Variants in ANKRD6 observed in about 807,000 individuals in gnomAD.
ANKRD6 encodes the protein ankyrin repeat domain 6, also known as ankyrin repeat domain-containing protein 6.
Under a neutral mutation model 82.3 loss-of-function variants are expected in ANKRD6, and 56 were observed. The ratio of observed to expected loss-of-function variants is 0.68; its 90% CI spans 0.55 to 0.85. ANKRD6 has a LOEUF of 0.85. ANKRD6 is among the 40% of genes least tolerant of loss of function. ANKRD6 has a pLI of 0.00. For missense variants in ANKRD6, 852 were observed against 907.6 expected (o/e 0.94, Z 0.79); for synonymous variants, 347 against 352.1 (o/e 0.99, Z 0.16).
At chr6:89,480,159 T>C (rs751838493) in intron 1 of ANKRD6, among the ~76,000 whole-genome samples, 1 of 152,232 alleles carries the variant, frequency 6.6e-6, no homozygotes, top group African/African-American at 2.4e-5. Context: ...CCTCTGTTCA[T>C]ACTCTCCTAG....
chr6:89,585,853 C>T (rs1793572733), intron 2 of ANKRD6, among the ~76,000 whole-genome samples: 1 of 152,088 alleles, frequency 6.6e-6, no homozygotes, highest in Non-Finnish European at 1.5e-5. Flanking sequence ...TGCAGTGAGC[C>T]GAGATTGTGC....
At chr6:89,589,589 G>A (rs528083810) in intron 2 of ANKRD6, among the ~76,000 whole-genome samples, 5 of 152,330 alleles carry the variant, frequency 3.3e-5, no homozygotes, top group Non-Finnish European at 5.9e-5. Flanking sequence ...TCCCAACTGG[G>A]AATTGGCCTC....
intron 1 of ANKRD6, among the ~76,000 whole-genome samples, chr6:89,445,959 A>G (rs1296204173): frequency 1.3e-5 from 2 of 152,210 alleles, no homozygotes; most frequent in Non-Finnish European, 2.9e-5. Flanking sequence ...AACTTAATTA[A>G]TAAGTGTTGT....
At chr6:89,572,513 CACAA>C (rs1344155338) in intron 2 of ANKRD6, among the ~76,000 whole-genome samples, 7 of 152,194 alleles carry the variant, frequency 4.6e-5, no homozygotes, top group Non-Finnish European at 5.9e-5. Context: ...TTCTTTGATG[CACAA>C]ACATTTTCAA....
intron 1 of ANKRD6, among the ~76,000 whole-genome samples, chr6:89,506,445 G>T (rs977723810): frequency 6.6e-6 from 1 of 152,148 alleles, no homozygotes; most frequent in Non-Finnish European, 1.5e-5. Context: ...CTCTCGAGTA[G>T]CTGGGATTAC....
intron 1 of ANKRD6, among the ~76,000 whole-genome samples, chr6:89,519,168 C>T (rs1781592986): frequency 6.6e-6 from 1 of 152,120 alleles, no homozygotes; most frequent in Admixed American, 6.5e-5. Context: ...GAGGGAGACA[C>T]AATTCAGTCT....
At chr6:89,589,414 A>G (rs1394717616) in intron 2 of ANKRD6, among the ~76,000 whole-genome samples, 3 of 152,220 alleles carry the variant, frequency 2.0e-5, no homozygotes, top group African/African-American at 7.2e-5. Context: ...TGGAGAATCC[A>G]GGAAGGAGGC....
At chr6:89,468,022 T>TA (rs1240516075) in intron 1 of ANKRD6, among the ~76,000 whole-genome samples, 1 of 150,544 alleles carries the variant, frequency 6.6e-6, no homozygotes, top group Non-Finnish European at 1.5e-5. Flanking sequence ...TTTTACCACC[T>TA]AAAGTTGCCC....
chr6:89,567,048 G>C lies in ANKRD6; in HGVS notation c.72G>C (p.Glu24Asp). 6.2e-7 allele frequency: 1 copy of C among 1,607,430 alleles called. No homozygotes were observed. The highest frequency in any genetic ancestry group is 8.5e-7 in the Non-Finnish European group (1 of 1,176,838). Residue 24 changes from glutamate to aspartate, a missense_variant, in exon 2 of 16, where the codon GAG (glutamate) becomes GAC (aspartate). By Grantham distance (45) the Glu-to-Asp change is conservative. Transcript: ENST00000339746. Reference protein sequence around the residue: ...LLVAAYKGQTENVVQLINKGA... With the variant: ...LLVAAYKGQTDNVVQLINKGA... ...TAGCTGCGTACAAAGGCCAAACAGA[G>C]AATGTGGTTCAGCTCATCAACAAGG...
chr6:89,462,513 A>AAG (rs77158962), intron 1 of ANKRD6, among the ~76,000 whole-genome samples: 1 of 152,092 alleles, frequency 6.6e-6, no homozygotes, highest in Non-Finnish European at 1.5e-5. Flanking sequence ...GTAAATACTG[A>AAG]AGAATACAGT....
rs760167253 is a variant in ANKRD6 at position 89,567,083 on chromosome 6, T to C, written c.107T>C (p.Val36Ala). The part of the protein sequence containing the change: ...VVQLINKGAR[V>A]AVTKHGRTPL... ...CAGCTCATCAACAAGGGCGCCAGGG[T>C]AGCGGTTACCAAGGTAACAAGAGAA... Residue 36 changes from valine to alanine, a missense_variant, in exon 2 of 16, where the codon GTA (valine) becomes GCA (alanine). Coordinates refer to ENST00000339746, the MANE Select transcript of ANKRD6 (RefSeq NM_001242809.2). 6.3e-7 allele frequency: 1 copy of C among 1,599,572 alleles called. No individual in the cohort carries two copies. The highest frequency in any genetic ancestry group is 8.5e-7 in the Non-Finnish European group (1 of 1,172,686).
chr6:89,570,293 T>C lies in ANKRD6; in HGVS notation c.120+3197T>C, dbSNP rs367963291. Among the ~76,000 whole-genome samples, 15 of 152,268 alleles carry C rather than the reference T, an allele frequency of 9.9e-5. No individual in the cohort carries two copies. The East Asian group carries it at 2.3e-3, about 24-fold the overall frequency. The stretch of plus-strand genomic sequence containing the variant: ...CCAGGCTGGTCTCGAACTCCTGGTC[T>C]CAAGTGATCTTCCCTCCTCAGCCTC... On this transcript the variant is annotated intron_variant, in intron 2 of 15. Coordinates refer to ENST00000339746, the MANE Select transcript of ANKRD6 (RefSeq NM_001242809.2).
intron 1 of ANKRD6, among the ~76,000 whole-genome samples, chr6:89,441,598 A>C (rs368044744): frequency 7.1e-6 from 1 of 141,690 alleles, no homozygotes; most frequent in African/African-American, 2.6e-5. Context: ...GAGTGACCAT[A>C]GCCTTGGTTT....
In ANKRD6 at chr6:89,627,662, C is replaced by G. The variant is rs556919377; in HGVS notation, c.1451C>G (p.Ser484Ter). Residue 484 changes from serine to a stop codon, truncating the protein, a stop_gained, in exon 14 of 16, where the codon TCA (serine) becomes TGA (stop). Coordinates refer to ENST00000339746, the MANE Select transcript of ANKRD6 (RefSeq NM_001242809.2). LOFTEE classifies it high-confidence loss of function. ...TECLNRLQQH[S>*]DTEKHEGEKR... ...TGCCTGAACCGCCTGCAACAGCACTCAGACACAGAGAAGCATGAGGGGGAG... is the reference window on the plus strand; with the variant it reads ...TGCCTGAACCGCCTGCAACAGCACTGAGACACAGAGAAGCATGAGGGGGAG... 6.2e-7 allele frequency: 1 copy of G among 1,613,654 alleles called. No homozygotes were observed. Among genetic ancestry groups the G allele is most frequent in the South Asian group, 1.1e-5 (1 of 91,074 alleles).
In ANKRD6 at chr6:89,505,194, G is replaced by A. The variant is rs1233297610; in HGVS notation, c.-143-61640G>A. Among the ~76,000 whole-genome samples the A allele has an allele frequency of 3.9e-5, 6 of 152,140 alleles. No individual in the cohort carries two copies. In the East Asian group the frequency reaches 1.2e-3, roughly 29 times the overall value. On this transcript the variant is annotated intron_variant, in intron 1 of 15. Transcript: ENST00000339746. Reference sequence around the variant, plus strand: ...TGTATTTCTGCCTTCTCCAGGGGCTGTCCTCCCGTATGCACCATCTGTGCA... The same window carrying A: ...TGTATTTCTGCCTTCTCCAGGGGCTATCCTCCCGTATGCACCATCTGTGCA...
At chr6:89,445,388 A>G (rs1278342764) in intron 1 of ANKRD6, among the ~76,000 whole-genome samples, 1 of 148,392 alleles carries the variant, frequency 6.7e-6, no homozygotes, top group African/African-American at 2.5e-5. Flanking sequence ...CTCCTGCCTC[A>G]GCCCCACTAG....
At chr6:89,570,331 A>T (rs1583354470) in intron 2 of ANKRD6, among the ~76,000 whole-genome samples, 1 of 152,050 alleles carries the variant, frequency 6.6e-6, no homozygotes, top group African/African-American at 2.4e-5. Context: ...AAAGTATTGG[A>T]ATTACAGGCA....
chr6:89,561,015 G>A (rs1159710711), intron 1 of ANKRD6: 1 of 152,176 alleles, frequency 6.6e-6, no homozygotes, highest in Non-Finnish European at 1.5e-5. Context: ...GTCTAGCAGT[G>A]CTGGTCAGTC....
At chr6:89,510,268 T>A (rs891519701) in intron 1 of ANKRD6, among the ~76,000 whole-genome samples, 1 of 152,232 alleles carries the variant, frequency 6.6e-6, no homozygotes, top group South Asian at 2.1e-4. Flanking sequence ...GAGGCTTGTT[T>A]GTTACTACAG....
Sources: allele counts gnomAD v4.1 joint callset (sites outside exome capture counted in the v4.1 genomes callset), GRCh38; gene constraint gnomAD v4.1.1; transcripts MANE v1.5; gene names NCBI Gene and HGNC (gene_info 2026-07-23, HGNC 2026-07-21).